The following NDC1 variants were observed in gnomAD, a reference collection of about 807,000 sequenced individuals.
The protein encoded by NDC1 is nucleoporin NDC1.
In NDC1, 24 loss-of-function variants were observed where a neutral mutation model predicts 89.8. The ratio of observed to expected loss-of-function variants is 0.27; its 90% CI spans 0.19 to 0.38. The LOEUF (loss-of-function observed/expected upper bound fraction) is 0.38. Ranked by LOEUF, NDC1 falls within the 10% of genes least tolerant of loss-of-function variation. The pLI, the probability that NDC1 is intolerant of heterozygous loss-of-function variation, is 1.00. For missense variants in NDC1, 728 were observed against 797.6 expected (o/e 0.91, Z 1.05); for synonymous variants, 296 against 284.8 (o/e 1.04, Z -0.39).
rs116813309 is a variant in NDC1 at position 53,831,914 on chromosome 1, T to C, written c.280+576A>G. On this transcript the variant is annotated intron_variant, in intron 3 of 17. Transcript: ENST00000371429. ...TTAATCACAGTATTATAGATTATTA[T>C]ATTTGAAAAAAAAACTTAGAAATCA... Among the ~76,000 whole-genome samples, 540 of 152,072 alleles carry C rather than the reference T, an allele frequency of 3.6e-3. 2 individuals are homozygous for C. Among genetic ancestry groups the C allele is most frequent in the Non-Finnish European group, 6.2e-3 (421 of 67,984 alleles).
intron 16 of NDC1, among the ~76,000 whole-genome samples, chr1:53,773,570 A>G (rs1326222231): frequency 6.6e-6 from 1 of 152,184 alleles, no homozygotes; most frequent in African/African-American, 2.4e-5. Context: ...CCTGCTAAAG[A>G]GCTGAGCACC....
intron 16 of NDC1, among the ~76,000 whole-genome samples, chr1:53,779,626 T>C (rs1647188335): frequency 6.6e-6 from 1 of 152,174 alleles, no homozygotes; most frequent in Non-Finnish European, 1.5e-5. Context: ...TGCGAAGGAC[T>C]TGGGGTCCAA....
At chr1:53,783,059 G>T (rs1360656380) in intron 16 of NDC1, among the ~76,000 whole-genome samples, 1 of 152,088 alleles carries the variant, frequency 6.6e-6, no homozygotes, top group Non-Finnish European at 1.5e-5. Flanking sequence ...GGAATCTTTG[G>T]AACAAAAACA....
chr1:53,818,917 A>G, intron 6 of NDC1, 54 bp downstream of exon 6: 1 of 808,522 alleles, frequency 1.2e-6, no homozygotes, highest in Non-Finnish European at 2.0e-6. Flanking sequence ...TGTAACTGAC[A>G]TTTTCTGGGC....
chr1:53,807,421 G>A (rs1648149118), intron 8 of NDC1, among the ~76,000 whole-genome samples: 1 of 151,944 alleles, frequency 6.6e-6, no homozygotes, highest in Admixed American at 6.6e-5. Flanking sequence ...AAGCATAGTG[G>A]CAGTCCATTC....
At chr1:53,770,400 G>A (rs980044123) in intron 17 of NDC1, among the ~76,000 whole-genome samples, 2 of 151,938 alleles carry the variant, frequency 1.3e-5, no homozygotes, top group Non-Finnish European at 2.9e-5. Context: ...TCCACTTCCC[G>A]GGTTCAAGTG....
intron 2 of NDC1, among the ~76,000 whole-genome samples, chr1:53,832,873 T>A (rs376048317): frequency 2.6e-4 from 40 of 152,156 alleles, no homozygotes; most frequent in African/African-American, 9.2e-4. Context: ...TAGCCAGGTG[T>A]GGTGGTGCAC....
intron 16 of NDC1, among the ~76,000 whole-genome samples, chr1:53,776,409 C>T (rs1298686412): frequency 2.6e-5 from 4 of 152,028 alleles, no homozygotes; most frequent in Admixed American, 1.3e-4. Flanking sequence ...AAAACAAACA[C>T]CAGATTTCTA....
chr1:53,800,604 C>T (rs1647875942), intron 11 of NDC1, 89 bp downstream of exon 11: 6 of 1,435,656 alleles, frequency 4.2e-6, no homozygotes, highest in Admixed American at 1.7e-5. Flanking sequence ...GGATAACAGG[C>T]GTGAGCCACA....
At chr1:53,805,857 G>A (rs1053196981) in intron 9 of NDC1, among the ~76,000 whole-genome samples, 3 of 152,140 alleles carry the variant, frequency 2.0e-5, no homozygotes, top group Admixed American at 2.0e-4. Flanking sequence ...GGTGGATCAC[G>A]AGGTCAGGAG....
rs1251877352 is a variant in NDC1 at position 53,797,089 on chromosome 1, T to C, written c.1278A>G (p.Pro426=). Residue 426 remains proline, a synonymous_variant, in exon 12 of 18, where the codon CCA becomes CCG. Transcript: ENST00000371429. ...AAAACAGTGATGTTTTAACTAATGG[T>C]GGCACTGAAGGCCGAGGCATCTGGC... ...KSSQMPRPSV[P]PLVKTSLFSS... 6.2e-7 allele frequency: 1 copy of C among 1,614,054 alleles called. No individual in the cohort carries two copies. The highest frequency in any genetic ancestry group is 1.3e-5 in the African/African-American group (1 of 74,938).
intron 16 of NDC1, among the ~76,000 whole-genome samples, chr1:53,785,171 G>A (rs940787978): frequency 1.1e-4 from 16 of 152,088 alleles, no homozygotes; most frequent in African/African-American, 3.9e-4. Context: ...TTCACAAGAT[G>A]GTTATAAAGA....
intron 16 of NDC1, among the ~76,000 whole-genome samples, chr1:53,776,131 A>G (rs1244401632): frequency 6.6e-6 from 1 of 151,902 alleles, no homozygotes; most frequent in African/African-American, 2.4e-5. Flanking sequence ...ATTTATTGCT[A>G]TTTTTAGTAG....
chr1:53,791,968 C>T (rs1447127857), intron 14 of NDC1, among the ~76,000 whole-genome samples: 9 of 149,148 alleles, frequency 6.0e-5, no homozygotes, highest in Non-Finnish European at 1.0e-4. Flanking sequence ...TTTGAGACGG[C>T]GTCTCGCTCT....
chr1:53,778,692 T>C (rs1454739779), intron 16 of NDC1, among the ~76,000 whole-genome samples: 1 of 152,068 alleles, frequency 6.6e-6, no homozygotes, highest in Non-Finnish European at 1.5e-5. Context: ...TATGTGAAAA[T>C]ATAGTTATGA....
intron 5 of NDC1, among the ~76,000 whole-genome samples, 174 bp from the exon 6 acceptor site, chr1:53,819,253 T>A (rs1008686161): frequency 3.3e-5 from 5 of 152,162 alleles, no homozygotes; most frequent in Admixed American, 3.3e-4. Flanking sequence ...TGTTAAAAAA[T>A]TAATATTTAT....
intron 16 of NDC1, among the ~76,000 whole-genome samples, chr1:53,783,637 G>T (rs1020949274): frequency 6.6e-6 from 1 of 152,112 alleles, no homozygotes; most frequent in African/African-American, 2.4e-5. Context: ...TTGAGAGATG[G>T]GGCCTAATGG....
intron 16 of NDC1, among the ~76,000 whole-genome samples, chr1:53,776,768 C>A (rs906237555): frequency 3.3e-5 from 5 of 152,070 alleles, no homozygotes; most frequent in African/African-American, 7.2e-5. Context: ...TAAAAGACTA[C>A]AAAGATGTGT....
intron 6 of NDC1, among the ~76,000 whole-genome samples, chr1:53,812,057 G>A (rs183781459): frequency 1.5e-3 from 223 of 152,270 alleles, no homozygotes; most frequent in Non-Finnish European, 2.4e-3. Context: ...AGGAAAAGGC[G>A]GAGAGTACTG....
Sources: allele counts gnomAD v4.1 joint callset (sites outside exome capture counted in the v4.1 genomes callset), GRCh38; gene constraint gnomAD v4.1.1; transcripts MANE v1.5; gene names NCBI Gene and HGNC (gene_info 2026-07-23, HGNC 2026-07-21).